CNTN4: variants seen among roughly 807,000 people sequenced by gnomAD.
CNTN4 encodes contactin-4.
A neutral mutation model predicts 122.5 loss-of-function variants in CNTN4; 77 were observed. The observed-to-expected ratio is 0.63, with a 90% CI of 0.52 to 0.76. The LOEUF is 0.76. Among genes scored for constraint, CNTN4 ranks in the 30% least tolerant of loss-of-function variants. The pLI is 0.00. For missense variants in CNTN4, 1,256 were observed against 1,259.1 expected, an observed-to-expected ratio of 1.00 and a Z score of 0.04; for synonymous variants, 512 against 447.0, an observed-to-expected ratio of 1.15 and a Z score of -1.83.
chr3:2,209,814 A>G (rs559411472), intron 2 of CNTN4, among the ~76,000 whole-genome samples: 42 of 152,206 alleles, frequency 2.8e-4, no homozygotes, highest in African/African-American at 9.9e-4. Flanking sequence ...CTTTCCTCCT[A>G]TTATGAAACA....
At chr3:2,209,894 G>T in intron 2 of CNTN4, among the ~76,000 whole-genome samples, 1 of 151,980 alleles carries the variant, frequency 6.6e-6, no homozygotes, top group East Asian at 1.9e-4. Context: ...AGTGCTCTCT[G>T]TGGGCCCATA....
intron 4 of CNTN4, among the ~76,000 whole-genome samples, chr3:2,734,988 A>T (rs2088974063): frequency 6.6e-6 from 1 of 152,208 alleles, no homozygotes; most frequent in Non-Finnish European, 1.5e-5. Context: ...AAATTGAAAA[A>T]AATACTTCAA....
At chr3:2,493,075 T>A (rs1003748479) in intron 3 of CNTN4, among the ~76,000 whole-genome samples, 96 of 152,328 alleles carry the variant, frequency 6.3e-4, no homozygotes, top group Middle Eastern at 6.8e-3. Flanking sequence ...CTGAAAGTTC[T>A]TAAATTGTAG....
chr3:2,790,157 G>A (rs1576803385), intron 6 of CNTN4, among the ~76,000 whole-genome samples: 1 of 152,166 alleles, frequency 6.6e-6, no homozygotes, highest in Admixed American at 6.5e-5. Flanking sequence ...AATTTATATG[G>A]AGTCACACTG....
intron 2 of CNTN4, among the ~76,000 whole-genome samples, chr3:2,281,537 A>C (rs2041713064): frequency 6.6e-5 from 10 of 151,984 alleles, no homozygotes. Context: ...AGTTATTCCT[A>C]AAGGAATACA....
At chr3:2,508,577 C>G (rs544273658) in intron 3 of CNTN4, among the ~76,000 whole-genome samples, 6 of 152,288 alleles carry the variant, frequency 3.9e-5, no homozygotes, top group Non-Finnish European at 8.8e-5. Flanking sequence ...TCAGGAGCCC[C>G]ATCCCCCAGG....
intron 13 of CNTN4, among the ~76,000 whole-genome samples, chr3:2,986,779 A>G (rs1694618783): frequency 6.6e-6 from 1 of 152,134 alleles, no homozygotes; most frequent in Admixed American, 6.5e-5. Flanking sequence ...TTATTTATTT[A>G]TTCATGTATT....
chr3:2,824,460 AAAAACAAAAAC>A (rs1161768954), intron 7 of CNTN4, among the ~76,000 whole-genome samples: 1 of 149,682 alleles, frequency 6.7e-6, no homozygotes, highest in African/African-American at 2.5e-5. Flanking sequence ...CTGGCTCAAA[AAAAACAAAAAC>A]AAAAACAAAA....
chr3:2,474,522 A>T (rs2075783112), intron 3 of CNTN4, among the ~76,000 whole-genome samples: 1 of 152,200 alleles, frequency 6.6e-6, no homozygotes, highest in South Asian at 2.1e-4. Flanking sequence ...ACTCTAAGGA[A>T]TGTGTAAGTT....
At chr3:3,047,875 T>G (rs113608379) in intron 23 of CNTN4, among the ~76,000 whole-genome samples, 1 of 151,688 alleles carries the variant, frequency 6.6e-6, no homozygotes, top group African/African-American at 2.4e-5. Flanking sequence ...ATTGATAGAC[T>G]GCTAGCAAGA....
intron 10 of CNTN4, among the ~76,000 whole-genome samples, chr3:2,888,254 C>A (rs1386999643): frequency 6.6e-6 from 1 of 152,190 alleles, no homozygotes; most frequent in Admixed American, 6.5e-5. Flanking sequence ...AAAATGAGTT[C>A]TTGGCCATGA....
intron 2 of CNTN4, among the ~76,000 whole-genome samples, chr3:2,277,088 A>G (rs1242224956): frequency 6.6e-6 from 1 of 152,214 alleles, no homozygotes; most frequent in Non-Finnish European, 1.5e-5. Context: ...AATACACCAA[A>G]AAAGCAAGAG....
At chr3:2,802,081 T>G (rs527906503) in intron 6 of CNTN4, among the ~76,000 whole-genome samples, 8 of 152,334 alleles carry the variant, frequency 5.3e-5, no homozygotes, top group African/African-American at 1.9e-4. Context: ...TCATTTTAAA[T>G]TATTATTGTT....
At chr3:2,698,735 C>T (rs1350518362) in intron 4 of CNTN4, among the ~76,000 whole-genome samples, 1 of 152,174 alleles carries the variant, frequency 6.6e-6, no homozygotes, top group African/African-American at 2.4e-5. Flanking sequence ...ATAGCCATTT[C>T]TACATGGCAG....
intron 2 of CNTN4, among the ~76,000 whole-genome samples, chr3:2,205,137 G>A (rs2149406864): frequency 6.6e-6 from 1 of 151,398 alleles, no homozygotes; most frequent in African/African-American, 2.4e-5. Flanking sequence ...CTTTTTATTA[G>A]GGACTGTTGG....
chr3:2,331,040 C>A (rs1285921385), intron 2 of CNTN4, among the ~76,000 whole-genome samples: 4 of 152,008 alleles, frequency 2.6e-5, no homozygotes, highest in Non-Finnish European at 5.9e-5. Context: ...TACAATTGTG[C>A]CTTTTTTTGT....
chr3:2,974,023 G>T (rs780888415), intron 13 of CNTN4, among the ~76,000 whole-genome samples: 6 of 152,146 alleles, frequency 3.9e-5, no homozygotes, highest in Non-Finnish European at 7.4e-5. Flanking sequence ...GAGCAACATA[G>T]TTCTCTTACA....
intron 2 of CNTN4, among the ~76,000 whole-genome samples, chr3:2,194,270 C>T (rs1158220938): frequency 6.6e-6 from 1 of 151,994 alleles, no homozygotes; most frequent in Admixed American, 6.6e-5. Context: ...TTGAGACTAG[C>T]CTGGGCAACA....
At chr3:2,198,810 C>T (rs2037964138) in intron 2 of CNTN4, among the ~76,000 whole-genome samples, 1 of 152,144 alleles carries the variant, frequency 6.6e-6, no homozygotes, top group African/African-American at 2.4e-5. Flanking sequence ...ATTATTGTCA[C>T]AGATCCCAAG....
Sources: gnomAD v4.1 joint callset for allele counts (sites outside exome capture counted in the v4.1 genomes callset) on GRCh38, gnomAD v4.1.1 for gene constraint, MANE v1.5 for transcripts, NCBI Gene and HGNC (gene_info 2026-07-23, HGNC 2026-07-21) for gene names.